GALNT16: variants seen among roughly 807,000 people sequenced by gnomAD.
GALNT16 encodes the protein UDP-GalNAc:polypeptide N-acetylgalactosaminyltransferase-like protein 1.
Under a neutral mutation model 76.1 loss-of-function variants are expected in GALNT16, and 40 were observed. The observed-to-expected ratio is 0.53, with a 90% CI of 0.41 to 0.68. The LOEUF (loss-of-function observed/expected upper bound fraction) is 0.68, where lower values mean the gene tolerates loss of function less well. Ranked by LOEUF, GALNT16 falls within the 30% of genes least tolerant of loss-of-function variation. The pLI, the probability that GALNT16 is intolerant of heterozygous loss-of-function variation, is 0.00. For synonymous variants in GALNT16, 276 were observed against 285.2 expected (o/e 0.97, Z 0.32); for missense variants, 621 against 731.9 (o/e 0.85, Z 1.75).
At chr14:69,363,792 A>G in the GALNT16 span, among the ~76,000 whole-genome samples, 1 of 151,486 alleles carries the variant, frequency 6.6e-6, no homozygotes, top group Non-Finnish European at 1.5e-5. Flanking sequence ...AAAAGGGGGC[A>G]CGCATTCAAG....
chr14:69,273,269 C>G (rs1339645145), intron 1 of GALNT16, among the ~76,000 whole-genome samples: 1 of 152,144 alleles, frequency 6.6e-6, no homozygotes, highest in Non-Finnish European at 1.5e-5. Flanking sequence ...AGGCGAGAAG[C>G]CTTTTACTCC....
At position 69,328,684 on chromosome 14, in the gene GALNT16, A is replaced by C. The variant is rs1257132426; in HGVS notation, c.690+113A>C. ...GCTGGGCAGGCATCGTAGGAAGCCC[A>C]AATAGTCTACTTCCCCCTGAGTGAC... is the stretch of plus-strand genomic sequence containing the variant. On this transcript the variant is annotated intron_variant, in intron 6 of 14. Transcript: ENST00000448469. 2.8e-6 allele frequency: 3 copies of C among 1,084,656 alleles called. No individual in the cohort carries two copies. In the Admixed American group the frequency reaches 6.7e-5, roughly 24 times the overall value. 67.2% of individuals were successfully genotyped at this position (1,084,656 alleles called of 1,614,324 possible).
intron 1 of GALNT16, among the ~76,000 whole-genome samples, chr14:69,270,666 G>A (rs563116331): frequency 2.6e-5 from 4 of 152,330 alleles, no homozygotes; most frequent in East Asian, 1.9e-4. Flanking sequence ...TCAGCGGTCC[G>A]TTCCAGGGGG....
chr14:69,360,635 AAAG>A (rs2045718539), downstream of GALNT16, among the ~76,000 whole-genome samples: 1 of 151,262 alleles, frequency 6.6e-6, no homozygotes. Flanking sequence ...AAGGAGAAGA[AAAG>A]AGAAGAGAGG....
Position 69,347,945 on chromosome 14 carries a change from G to A in GALNT16, c.1482G>A (p.Met494Ile), listed in dbSNP as rs373957772. ...GCCTGGCTGCCACCTCCACCTTAATGTCCTCCCCTGGATCCCCAGTCATAC... is the reference window on the plus strand; with the variant it reads ...GCCTGGCTGCCACCTCCACCTTAATATCCTCCCCTGGATCCCCAGTCATAC... ...GKCLAATSTL[M>I]SSPGSPVILQ... The change falls in exon 14 of 15, where the codon ATG (methionine) becomes ATA (isoleucine). Residue 494 changes from methionine to isoleucine, a missense_variant. Coordinates refer to ENST00000448469, the MANE Select transcript of GALNT16 (RefSeq NM_001168368.2). 5 of 1,613,880 alleles carry A rather than the reference G, an allele frequency of 3.1e-6. No homozygotes were observed. In the Admixed American group the frequency reaches 5.0e-5, roughly 16 times the overall value.
chr14:69,333,527 G>A lies in GALNT16; in HGVS notation c.894G>A (p.Val298=). ...CTGTCATAGCTGGAGGAATCTTCGT[G>A]ATCGACAAGTCCTGGTTTAACCACT... ...RTPVIAGGIF[V]IDKSWFNHLG... The change falls in exon 9 of 15, where the codon GTG becomes GTA. Residue 298 remains valine, a synonymous_variant. Coordinates refer to ENST00000448469, the MANE Select transcript of GALNT16 (RefSeq NM_001168368.2). The surrounding 1 kb of genome is among the most constrained non-coding windows in gnomAD (Gnocchi z 4.2). The A allele has an allele frequency of 1.2e-6, 2 of 1,611,516 alleles. No individual in the cohort carries two copies. Among genetic ancestry groups the A allele is most frequent in the African/African-American group, 1.3e-5 (1 of 74,940 alleles).
At chr14:69,341,634 C>A (rs1485329353) in intron 11 of GALNT16, 47 bp from the exon 12 acceptor site, 2 of 1,321,324 alleles carry the variant, frequency 1.5e-6, no homozygotes, top group Non-Finnish European at 2.2e-6. Context: ...CCTCGGGCTG[C>A]CTTCCACACT....
intron 1 of GALNT16, among the ~76,000 whole-genome samples, chr14:69,305,820 T>C (rs1268441134): frequency 3.3e-5 from 5 of 152,364 alleles, no homozygotes; most frequent in East Asian, 3.9e-4. Flanking sequence ...GTTTTTGATG[T>C]CATGTCCACG....
intron 1 of GALNT16, among the ~76,000 whole-genome samples, chr14:69,271,878 T>C (rs1199516725): frequency 6.6e-6 from 1 of 152,212 alleles, no homozygotes; most frequent in Non-Finnish European, 1.5e-5. Flanking sequence ...CTAAAATACC[T>C]TGCTAGTATT....
At chr14:69,385,843 C>T in the GALNT16 span, among the ~76,000 whole-genome samples, 2 of 152,146 alleles carry the variant, frequency 1.3e-5, no homozygotes, top group Non-Finnish European at 2.9e-5. Flanking sequence ...TCTGTCCTAT[C>T]AATGATATGA....
At position 69,333,188 on chromosome 14, in the gene GALNT16, T is replaced by TC. The variant is rs1277682626; in HGVS notation, c.863+20dup. 6.5e-7 allele frequency: 1 copy of TC among 1,538,484 alleles called. No homozygotes were observed. The highest frequency in any genetic ancestry group is 8.9e-7 in the Non-Finnish European group (1 of 1,122,646). ...CCATAAGGTCAGAGCTGCGGTGGGC[T>TC]CTGGGGGACCCCTTCCTTCCCTGGG... On this transcript the variant is annotated intron_variant, in intron 8 of 14. Coordinates refer to ENST00000448469, the MANE Select transcript of GALNT16 (RefSeq NM_001168368.2). This position sits in a 1 kb window ranked among gnomAD's most constrained non-coding sequence, Gnocchi z 4.2.
intron 7 of GALNT16, among the ~76,000 whole-genome samples, chr14:69,332,759 C>T (rs2045368080): frequency 6.6e-6 from 1 of 152,080 alleles, no homozygotes; most frequent in African/African-American, 2.4e-5. Context: ...CCAAAGTCAC[C>T]AGAGAGCCTT....
Position 69,352,223 on chromosome 14 carries a change from G to C in GALNT16, c.*55G>C. 1 of 1,500,082 alleles carries C rather than the reference G, an allele frequency of 6.7e-7. No homozygotes were observed. Among genetic ancestry groups the C allele is most frequent in the Non-Finnish European group, 9.0e-7 (1 of 1,110,784 alleles). 92.9% of individuals were successfully genotyped at this position (1,500,082 alleles called of 1,614,324 possible). A position where few individuals can be genotyped will look rare whatever the true frequency, so the allele number is the denominator to read the frequency against. ...GCATGAGACTTCGGGACCGGAAGGG[G>C]GTTAGGGTGGGGGAGTGCAAAGTGG... On this transcript the variant is annotated 3_prime_UTR_variant, in exon 15 of 15. Transcript: ENST00000448469.
the GALNT16 span, among the ~76,000 whole-genome samples, chr14:69,379,945 T>C: frequency 3.2e-3 from 477 of 149,532 alleles, 4 homozygotes; most frequent in African/African-American, 0.012. Context: ...ATTCATTTAA[T>C]TATGCTGGAA....
chr14:69,262,948 C>T (rs979073265), intron 1 of GALNT16, among the ~76,000 whole-genome samples: 2 of 151,114 alleles, frequency 1.3e-5, no homozygotes, highest in African/African-American at 4.9e-5. Context: ...GGCATGATCT[C>T]GGCTCACTGT....
At chr14:69,273,702 TG>T (rs1445697481) in intron 1 of GALNT16, among the ~76,000 whole-genome samples, 2 of 152,218 alleles carry the variant, frequency 1.3e-5, no homozygotes, top group Non-Finnish European at 2.9e-5. Flanking sequence ...GCTAAGGAGA[TG>T]TGTGACATTT....
the GALNT16 span, among the ~76,000 whole-genome samples, chr14:69,375,702 TAGCTCACTGA>T: frequency 6.6e-6 from 1 of 152,230 alleles, no homozygotes; most frequent in Non-Finnish European, 1.5e-5. Context: ...AGTGCAATCA[TAGCTCACTGA>T]AGCCGTGAAC....
chr14:69,364,103 T>C, the GALNT16 span, among the ~76,000 whole-genome samples: 1 of 152,202 alleles, frequency 6.6e-6, no homozygotes, highest in Non-Finnish European at 1.5e-5. The surrounding 1 kb of genome is among the most constrained non-coding windows in gnomAD (Gnocchi z 4.2). Flanking sequence ...ACCCCGTGCA[T>C]GGTGGGTGCT....
At chr14:69,375,156 C>T in the GALNT16 span, among the ~76,000 whole-genome samples, 1 of 152,154 alleles carries the variant, frequency 6.6e-6, no homozygotes, top group Non-Finnish European at 1.5e-5. Context: ...CCCCCTTCAT[C>T]CCTGGTAATA....
Sources: gnomAD v4.1 joint callset for allele counts (sites outside exome capture counted in the v4.1 genomes callset) on GRCh38, gnomAD v4.1.1 for gene constraint, Gnocchi (gnomAD v3.1) non-coding constraint, MANE v1.5 for transcripts, NCBI Gene and HGNC (gene_info 2026-07-23, HGNC 2026-07-21) for gene names.